Variants in NLRP2 observed in about 807,000 individuals in gnomAD.
The protein encoded by NLRP2 is NLR family pyrin domain containing 2.
Under a neutral mutation model 97.2 loss-of-function variants are expected in NLRP2, and 107 were observed. The observed-to-expected ratio is 1.10, with a 90% CI of 0.94 to 1.29. The LOEUF is 1.29. Ranked by LOEUF, NLRP2 falls within the 50% of genes most tolerant of loss-of-function variation. NLRP2 has a pLI of 0.00. For missense variants in NLRP2, 1,495 were observed against 1,330.3 expected (o/e 1.12, Z -1.93); for synonymous variants, 663 against 551.5 (o/e 1.20, Z -2.83).
chr19:54,998,631 C>T (rs370071724), intron 12 of NLRP2, among the ~76,000 whole-genome samples: 2,855 of 60,590 alleles, frequency 0.047, 32 homozygotes, highest in Non-Finnish European at 0.051. Flanking sequence ...TTTTTTTTTC[C>T]TTTTTTTTTT....
At chr19:54,999,909 A>G (rs968548957) in intron 12 of NLRP2, among the ~76,000 whole-genome samples, 6 of 151,774 alleles carry the variant, frequency 4.0e-5, no homozygotes, top group African/African-American at 1.5e-4. Flanking sequence ...ACTAACTTTT[A>G]TATTTTTAGT....
rs1157138794 is a variant in NLRP2 at position 55,000,270 on chromosome 19, CTTTTTTTTTTTTTTTTTTTTT to C, written c.3051-471_3051-451del. Among the ~76,000 whole-genome samples the C allele has an allele frequency of 4.1e-3, 147 of 36,030 alleles. 2 individuals are homozygous for C. The highest frequency in any genetic ancestry group is 0.037 in the South Asian group (25 of 678). 23.6% of individuals were successfully genotyped at this position (36,030 alleles called of 152,430 possible). A position where few individuals can be genotyped will look rare whatever the true frequency, so the allele number is the denominator to read the frequency against. The stretch of plus-strand genomic sequence containing the variant: ...CCAGCTTGGGCAACAGAGAGACTGT[CTTTTTTTTTTTTTTTTTTTTT>C]TTTTTTTTTTTTTTTTTTGAGATCG... On this transcript the variant is annotated intron_variant, in intron 12 of 12. Coordinates refer to ENST00000448584, the MANE Select transcript of NLRP2 (RefSeq NM_017852.5).
At chr19:54,979,568 C>G (rs1403006606) in intron 4 of NLRP2, among the ~76,000 whole-genome samples, 1 of 151,956 alleles carries the variant, frequency 6.6e-6, no homozygotes, top group Admixed American at 6.6e-5. Flanking sequence ...GCAGGCTGGT[C>G]TTGAACTCCT....
chr19:54,982,557 ATTGACGGCT>A lies in NLRP2; in HGVS notation c.864_872del (p.Gly289_Asp291del). The A allele has an allele frequency of 6.2e-7, 1 of 1,614,180 alleles. No homozygotes were observed. Among genetic ancestry groups the A allele is most frequent in the South Asian group, 1.1e-5 (1 of 91,078 alleles). On this transcript the variant is annotated inframe_deletion, in exon 6 of 13. Coordinates refer to ENST00000448584, the MANE Select transcript of NLRP2 (RefSeq NM_017852.5). ...CCAAGCACGGAAAATCTTGTTCGTGATTGACGGCTTTGATGAGCTGGGAGCCGCACCTGG... is the reference window on the plus strand; with the variant it reads ...CCAAGCACGGAAAATCTTGTTCGTGATTGATGAGCTGGGAGCCGCACCTGG...
At chr19:54,966,332 T>C (rs957423891), upstream of NLRP2, 7 of 147,972 alleles carry the variant, frequency 4.7e-5, no homozygotes, top group Non-Finnish European at 1.5e-5. Flanking sequence ...GTAATTCCGG[T>C]GGATACAGGA....
At chr19:54,973,670 G>T in intron 2 of NLRP2, 1 of 372,432 alleles carries the variant, frequency 2.7e-6, no homozygotes, top group Non-Finnish European at 5.2e-6. Context: ...AACCATGCCC[G>T]GCCAAGGGTT....
intron 8 of NLRP2, among the ~76,000 whole-genome samples, chr19:54,987,128 A>ACCCCC (rs763390795): frequency 1.4e-5 from 2 of 138,656 alleles, no homozygotes; most frequent in South Asian, 2.4e-4. Flanking sequence ...CAGGTGATCT[A>ACCCCC]CCCCCCCACC....
chr19:55,000,281 T>TC, intron 12 of NLRP2, among the ~76,000 whole-genome samples: 1 of 40,288 alleles, frequency 2.5e-5, no homozygotes, highest in Non-Finnish European at 5.8e-5. Flanking sequence ...TTTTTTTTTT[T>TC]TTTTTTTTTT....
At chr19:54,987,619 G>A (rs1289468016) in intron 8 of NLRP2, among the ~76,000 whole-genome samples, 1 of 152,084 alleles carries the variant, frequency 6.6e-6, no homozygotes, top group Non-Finnish European at 1.5e-5. Flanking sequence ...GCGCACGCCT[G>A]TAGTCCCAGC....
chr19:54,971,639 C>T (rs2070859290), intron 2 of NLRP2, among the ~76,000 whole-genome samples: 1 of 151,778 alleles, frequency 6.6e-6, no homozygotes, highest in Non-Finnish European at 1.5e-5. Flanking sequence ...AGTGTCTGTT[C>T]ATGTCGTTCG....
chr19:54,976,658 A>G (rs1011048476), intron 3 of NLRP2, among the ~76,000 whole-genome samples: 2 of 151,608 alleles, frequency 1.3e-5, no homozygotes, highest in Admixed American at 6.6e-5. Context: ...TGAAGACTCT[A>G]AAGGCTCTTC....
At chr19:54,972,064 G>A (rs986307752) in intron 2 of NLRP2, among the ~76,000 whole-genome samples, 5 of 146,118 alleles carry the variant, frequency 3.4e-5, no homozygotes, top group Admixed American at 7.1e-5. Flanking sequence ...GGATAGTCTC[G>A]ATGTCGTGAC....
chr19:54,979,841 A>G (rs1219874237), intron 4 of NLRP2, among the ~76,000 whole-genome samples: 1 of 151,782 alleles, frequency 6.6e-6, no homozygotes, highest in African/African-American at 2.4e-5. Flanking sequence ...CAGTGGTGCA[A>G]TCTTGGCCCA....
At chr19:54,990,351 C>T (rs2072389138) in intron 9 of NLRP2, 151 bp from the exon 10 acceptor site, 2 of 1,127,718 alleles carry the variant, frequency 1.8e-6, no homozygotes, top group Non-Finnish European at 1.3e-6. Context: ...TTGTTCTTCT[C>T]TCATTCCTAT....
intron 12 of NLRP2, among the ~76,000 whole-genome samples, chr19:55,000,131 T>G (rs1264077551): frequency 1.3e-5 from 2 of 151,716 alleles, no homozygotes; most frequent in South Asian, 4.2e-4. Flanking sequence ...ATACAAAAAT[T>G]AGCTGAGCAT....
intron 1 of NLRP2, among the ~76,000 whole-genome samples, chr19:54,968,950 C>A (rs2070666947): frequency 6.6e-6 from 1 of 152,028 alleles, no homozygotes; most frequent in African/African-American, 2.4e-5. Context: ...ATCCGCCCGC[C>A]TCGGCCTCCC....
intron 4 of NLRP2, among the ~76,000 whole-genome samples, chr19:54,981,410 A>C (rs903970169): frequency 6.6e-6 from 1 of 151,342 alleles, no homozygotes; most frequent in Non-Finnish European, 1.5e-5. Context: ...CAAGTGATCC[A>C]CCCCACCTCA....
At chr19:54,971,995 ATTTTTTTTTTTT>A (rs61335843) in intron 2 of NLRP2, among the ~76,000 whole-genome samples, 1 of 116,388 alleles carries the variant, frequency 8.6e-6, no homozygotes, top group East Asian at 2.6e-4. Flanking sequence ...TGCCTGGCTG[ATTTTTTTTTTTT>A]TTTTTTTTGT....
At position 54,978,758 on chromosome 19, in the gene NLRP2, A is replaced by G. The variant is rs370577836; in HGVS notation, c.397+935A>G. On this transcript the variant is annotated intron_variant, in intron 4 of 12. Coordinates refer to ENST00000448584, the MANE Select transcript of NLRP2 (RefSeq NM_017852.5). ...GCTACTCAGGAGGCTGAGGCAGGAG[A>G]ATCGCTTGAACCCGGGAGGTGGAGG... Among the ~76,000 whole-genome samples, 132 of 151,510 alleles carry G rather than the reference A, an allele frequency of 8.7e-4. 1 individual carries two copies. Among genetic ancestry groups the G allele is most frequent in the African/African-American group, 3.0e-3 (126 of 41,424 alleles).
Sources: gnomAD v4.1 joint callset for allele counts (sites outside exome capture counted in the v4.1 genomes callset) on GRCh38, gnomAD v4.1.1 for gene constraint, MANE v1.5 for transcripts, NCBI Gene and HGNC (gene_info 2026-07-23, HGNC 2026-07-21) for gene names.